The following GRXCR1 variants were observed in gnomAD, a reference collection of about 807,000 sequenced individuals.
The protein encoded by GRXCR1 is glutaredoxin domain-containing cysteine-rich protein 1.
GRXCR1 carries 27 observed loss-of-function variants against 27.3 expected under a neutral mutation model. The observed-to-expected ratio is 0.99, with a 90% CI of 0.73 to 1.37. The LOEUF (loss-of-function observed/expected upper bound fraction) is 1.37, where lower values mean the gene tolerates loss of function less well. Among genes scored for constraint, GRXCR1 ranks in the 40% most tolerant of loss-of-function variants. The pLI is 0.00. For synonymous variants in GRXCR1, 122 were observed against 131.1 expected (o/e 0.93, Z 0.47); for missense variants, 379 against 354.4 (o/e 1.07, Z -0.56).
chr4:42,940,931 T>G (rs889909459), intron 1 of GRXCR1, among the ~76,000 whole-genome samples: 2 of 152,062 alleles, frequency 1.3e-5, no homozygotes, highest in Non-Finnish European at 2.9e-5. Flanking sequence ...TTATTCTTCA[T>G]TAAGTCTCTT....
At chr4:43,004,135 C>A (rs924138056) in intron 2 of GRXCR1, among the ~76,000 whole-genome samples, 2 of 152,232 alleles carry the variant, frequency 1.3e-5, no homozygotes, top group Non-Finnish European at 2.9e-5. Context: ...CCAGCCATGA[C>A]TAAAAGGGGA....
intron 1 of GRXCR1, among the ~76,000 whole-genome samples, chr4:42,915,462 C>T (rs1746864307): frequency 6.6e-6 from 1 of 151,962 alleles, no homozygotes. Context: ...CTCTTTCTCT[C>T]TTTTTTTTCC....
chr4:42,969,775 C>T (rs191526950), intron 2 of GRXCR1, among the ~76,000 whole-genome samples: 38 of 152,192 alleles, frequency 2.5e-4, no homozygotes, highest in African/African-American at 8.4e-4. Flanking sequence ...CCTGGACTCT[C>T]CCAAATCTCA....
rs142938539 is a variant in GRXCR1, at chr4:42,965,412, C to T, written c.627+2278C>T. Among the ~76,000 whole-genome samples, 99 of 152,120 alleles carry T rather than the reference C, an allele frequency of 6.5e-4. 1 individual carries two copies. Among genetic ancestry groups the T allele is most frequent in the Admixed American group, 8.5e-4 (13 of 15,258 alleles). ...CAAAATGGCAAACACTCCAAAACAA[C>T]GAATTCTCCTCCTATTAAAATAGCC... is the stretch of plus-strand genomic sequence containing the variant. On this transcript the variant is annotated intron_variant, in intron 2 of 3. Transcript: ENST00000399770.
At chr4:42,953,350 C>T (rs527941673) in intron 1 of GRXCR1, among the ~76,000 whole-genome samples, 21 of 152,254 alleles carry the variant, frequency 1.4e-4, no homozygotes, top group South Asian at 8.3e-4. Flanking sequence ...GTCTTCCACC[C>T]GGCCCTTGCT....
At chr4:43,019,506 A>G (rs1389346560) in intron 2 of GRXCR1, among the ~76,000 whole-genome samples, 6 of 152,132 alleles carry the variant, frequency 3.9e-5, no homozygotes, top group Non-Finnish European at 1.5e-5. Flanking sequence ...ACACAGTGAC[A>G]ACAAGGCAGA....
chr4:42,893,204 T>G lies in GRXCR1; in HGVS notation c.-63T>G, dbSNP rs908412499. The G allele has an allele frequency of 6.3e-7, 1 of 1,589,662 alleles. No homozygotes were observed. Among genetic ancestry groups the G allele is most frequent in the Non-Finnish European group, 8.6e-7 (1 of 1,159,404 alleles). ...GGCTCTGATATTGCTATCTGGCAAG[T>G]GGACTAGTGCAGTAACAACGGGTCC... On this transcript the variant is annotated 5_prime_UTR_variant, in exon 1 of 4. Transcript: ENST00000399770.
intron 1 of GRXCR1, among the ~76,000 whole-genome samples, chr4:42,934,887 C>T (rs994810072): frequency 6.6e-6 from 1 of 151,946 alleles, no homozygotes; most frequent in Non-Finnish European, 1.5e-5. Context: ...TGGTCAGTTA[C>T]ACTTTTCTCT....
At chr4:42,936,823 A>AAGATAAC (rs1747469461) in intron 1 of GRXCR1, among the ~76,000 whole-genome samples, 1 of 151,938 alleles carries the variant, frequency 6.6e-6, no homozygotes, top group African/African-American at 2.4e-5. Context: ...CTTGGAAAGG[A>AAGATAAC]AGATAACAGA....
chr4:42,922,219 G>A (rs1408316905), intron 1 of GRXCR1, among the ~76,000 whole-genome samples: 2 of 152,102 alleles, frequency 1.3e-5, no homozygotes, highest in Admixed American at 6.6e-5. Context: ...AATTTTGTAT[G>A]TTAGCATGGT....
intron 1 of GRXCR1, among the ~76,000 whole-genome samples, chr4:42,909,247 T>C (rs1746664255): frequency 6.6e-6 from 1 of 152,194 alleles, no homozygotes; most frequent in South Asian, 2.1e-4. Flanking sequence ...CTGTCAGATT[T>C]GTCTAACATA....
At chr4:42,910,911 T>C (rs574315672) in intron 1 of GRXCR1, among the ~76,000 whole-genome samples, 1 of 152,304 alleles carries the variant, frequency 6.6e-6, no homozygotes, top group South Asian at 2.1e-4. Flanking sequence ...TTAGACTAAC[T>C]CCAGATGTGA....
chr4:42,935,565 T>A (rs1317679940), intron 1 of GRXCR1, among the ~76,000 whole-genome samples: 1 of 151,794 alleles, frequency 6.6e-6, no homozygotes, highest in Non-Finnish European at 1.5e-5. Context: ...TGGCACAATG[T>A]CTTAGGCGAG....
intron 1 of GRXCR1, among the ~76,000 whole-genome samples, chr4:42,954,338 A>G (rs1747951327): frequency 6.6e-6 from 1 of 152,200 alleles, no homozygotes; most frequent in Non-Finnish European, 1.5e-5. Flanking sequence ...TCCCTGTGAC[A>G]GCCTCTTCAT....
intron 2 of GRXCR1, among the ~76,000 whole-genome samples, chr4:42,997,746 C>A (rs1379011901): frequency 6.6e-6 from 1 of 152,154 alleles, no homozygotes; most frequent in Non-Finnish European, 1.5e-5. Flanking sequence ...AGCAGCCAAT[C>A]GTAAGCCTGT....
intron 1 of GRXCR1, among the ~76,000 whole-genome samples, chr4:42,950,115 A>G (rs900784080): frequency 3.3e-5 from 5 of 152,138 alleles, no homozygotes; most frequent in Non-Finnish European, 5.9e-5. Flanking sequence ...TGTAGATATA[A>G]TATATAAAAT....
intron 2 of GRXCR1, among the ~76,000 whole-genome samples, chr4:42,987,642 T>G (rs963263123): frequency 6.6e-6 from 1 of 152,142 alleles, no homozygotes; most frequent in Non-Finnish European, 1.5e-5. Flanking sequence ...GTTCCTAGTA[T>G]GAAAGATTTC....
At chr4:43,023,161 G>A (rs546911880) in intron 3 of GRXCR1, among the ~76,000 whole-genome samples, 2 of 152,242 alleles carry the variant, frequency 1.3e-5, no homozygotes, top group South Asian at 4.1e-4. Flanking sequence ...TTTCCTAGGA[G>A]GTAAGCTAGT....
intron 1 of GRXCR1, among the ~76,000 whole-genome samples, chr4:42,912,751 C>A (rs1489231779): frequency 6.6e-6 from 1 of 152,170 alleles, no homozygotes; most frequent in African/African-American, 2.4e-5. Flanking sequence ...AATCTCATCA[C>A]TTTAGTGAGG....
Sources: gnomAD v4.1 joint callset for allele counts (sites outside exome capture counted in the v4.1 genomes callset) on GRCh38, gnomAD v4.1.1 for gene constraint, MANE v1.5 for transcripts, NCBI Gene and HGNC (gene_info 2026-07-23, HGNC 2026-07-21) for gene names.